The following RNF212 variants were observed in gnomAD, a reference collection of about 807,000 sequenced individuals.
The protein encoded by RNF212 is ring finger protein 212, also known as probable E3 SUMO-protein ligase RNF212.
RNF212 carries 33 observed loss-of-function variants against 34.7 expected under a neutral mutation model. The ratio of observed to expected loss-of-function variants is 0.95; its 90% confidence interval spans 0.72 to 1.27. The LOEUF (loss-of-function observed/expected upper bound fraction) is 1.27. Ranked by LOEUF, RNF212 falls within the 50% of genes most tolerant of loss-of-function variation. The pLI is 0.00. For synonymous variants in RNF212, 140 were observed against 136.1 expected (o/e 1.03, Z -0.20); for missense variants, 377 against 362.2 (o/e 1.04, Z -0.33).
intron 1 of RNF212, among the ~76,000 whole-genome samples, chr4:1,111,107 G>A (rs1286299018): frequency 2.6e-5 from 4 of 152,292 alleles, no homozygotes; most frequent in Admixed American, 1.3e-4. Flanking sequence ...TGGGTCACCA[G>A]TGCCCTCCTC....
intron 3 of RNF212, among the ~76,000 whole-genome samples, chr4:1,059,085 G>A (rs986034443): frequency 1.7e-4 from 26 of 152,356 alleles, no homozygotes; most frequent in African/African-American, 6.3e-4. Flanking sequence ...CAGTGAGGGA[G>A]CCCAAGCATT....
intron 5 of RNF212, 52 bp downstream of exon 5, chr4:1,085,844 A>G: frequency 8.2e-7 from 1 of 1,215,262 alleles, no homozygotes. Flanking sequence ...CGACCAATGC[A>G]CATGGCAGTG....
chr4:1,109,762 C>T (rs976044912), intron 1 of RNF212, among the ~76,000 whole-genome samples: 8 of 152,140 alleles, frequency 5.3e-5, no homozygotes, highest in East Asian at 1.9e-4. Context: ...ACCCACTTCA[C>T]GCTACCTCCT....
chr4:1,098,677 C>A (rs1723439947), intron 2 of RNF212, among the ~76,000 whole-genome samples: 1 of 152,208 alleles, frequency 6.6e-6, no homozygotes, highest in Non-Finnish European at 1.5e-5. Context: ...CCTTGACCTG[C>A]AACCCTGGTT....
intron 5 of RNF212, among the ~76,000 whole-genome samples, chr4:1,083,441 G>A (rs1361466449): frequency 1.3e-5 from 2 of 152,062 alleles, no homozygotes; most frequent in South Asian, 2.1e-4. Context: ...TCAGGAGTTC[G>A]AAACCAGCCT....
At chr4:1,105,753 G>A (rs953910122) in intron 2 of RNF212, among the ~76,000 whole-genome samples, 4 of 146,098 alleles carry the variant, frequency 2.7e-5, no homozygotes, top group Non-Finnish European at 4.6e-5. Context: ...TCCTTCCACC[G>A]CAGGTCAGGG....
At chr4:1,068,883 CA>C (rs1718259213), downstream of RNF212, among the ~76,000 whole-genome samples, 1 of 152,122 alleles carries the variant, frequency 6.6e-6, no homozygotes, top group Non-Finnish European at 1.5e-5. Context: ...AGGATTTTAG[CA>C]GAAAATACAA....
chr4:1,108,221 C>T (rs1725119556), intron 2 of RNF212, 122 bp downstream of exon 2: 1 of 590,464 alleles, frequency 1.7e-6, no homozygotes, highest in Non-Finnish European at 2.9e-6. Flanking sequence ...ACTCAGATAT[C>T]TTTGTTAACG....
intron 3 of RNF212, among the ~76,000 whole-genome samples, chr4:1,091,207 G>A (rs980008223): frequency 3.3e-5 from 5 of 152,320 alleles, no homozygotes; most frequent in East Asian, 1.9e-4. Flanking sequence ...AAAGAGAGCC[G>A]GCACACAGAA....
At chr4:1,099,426 A>C (rs2153058379) in intron 2 of RNF212, among the ~76,000 whole-genome samples, 1 of 152,222 alleles carries the variant, frequency 6.6e-6, no homozygotes, top group South Asian at 2.1e-4. Context: ...GGAAAATCTA[A>C]GTGAGTATTA....
chr4:1,066,812 T>C (rs1718127533), downstream of RNF212, among the ~76,000 whole-genome samples: 1 of 151,980 alleles, frequency 6.6e-6, no homozygotes, highest in Admixed American at 6.5e-5. Flanking sequence ...ATGAGGTCAA[T>C]TTGTTTAATT....
At chr4:1,093,644 C>A in intron 3 of RNF212, 4 of 1,535,898 alleles carry the variant, frequency 2.6e-6, no homozygotes, top group South Asian at 1.2e-5. Flanking sequence ...TGAGACAGCA[C>A]CTGGCCTCTG....
At chr4:1,101,193 G>A in intron 2 of RNF212, 1 of 241,388 alleles carries the variant, frequency 4.1e-6, no homozygotes, top group Non-Finnish European at 8.5e-6. Context: ...CTAACGACTG[G>A]CACTCACAGT....
Position 1,073,284 on chromosome 4 carries a change from G to A in RNF212, c.575-91C>T. On this transcript the variant is annotated intron_variant, in intron 9 of 9. Coordinates refer to ENST00000433731, the MANE Select transcript of RNF212 (RefSeq NM_001131034.4). ...TGAGGGTGAGGGAGGGATTCACTTT[G>A]AAAAGGGACCAGCAATTCAAAGCCA... 1.3e-6 allele frequency: 2 copies of A among 1,501,384 alleles called. 1 individual carries two copies. The highest frequency in any genetic ancestry group is 2.7e-5 in the South Asian group (2 of 74,720). 93.0% of individuals were successfully genotyped at this position (1,501,384 alleles called of 1,614,324 possible).
intron 4 of RNF212, 113 bp downstream of exon 4, chr4:1,090,669 A>G: frequency 1.4e-6 from 1 of 716,688 alleles, no homozygotes; most frequent in Non-Finnish European, 2.5e-6. Flanking sequence ...ACAGAGAAAC[A>G]GATATTGCAT....
Position 1,073,863 on chromosome 4 carries a change from TATTACCTG to T in RNF212, c.511-209_511-202del, listed in dbSNP as rs142496855. ...TGGTGGTAGAGGTGGTGTGGGTGGG[TATTACCTG>T]ATTACCTGTTTGATTCCCTCTGTTC... On this transcript the variant is annotated intron_variant, in intron 8 of 9. Transcript: ENST00000433731. 5.6e-3 allele frequency: 3,319 copies of T among 589,384 alleles called. 71 individuals carry two copies. The highest frequency in any genetic ancestry group is 0.053 in the African/African-American group (2,880 of 53,996). 36.5% of individuals were successfully genotyped at this position (589,384 alleles called of 1,614,324 possible).
Position 1,090,771 on chromosome 4 carries a change from A to T in RNF212, c.303+11T>A. ...AAAAAATTCAAGTGGCAATGAATCA[A>T]TTCCACTTACCTTTTCTCTATAGAA... is the stretch of plus-strand genomic sequence containing the variant. On this transcript the variant is annotated intron_variant, in intron 4 of 9. Transcript: ENST00000433731. The T allele has an allele frequency of 6.7e-7, 1 of 1,497,296 alleles. No homozygotes were observed. Among genetic ancestry groups the T allele is most frequent in the Non-Finnish European group, 9.3e-7 (1 of 1,077,910 alleles). 92.8% of individuals were successfully genotyped at this position (1,497,296 alleles called of 1,614,324 possible). A position where few individuals can be genotyped will look rare whatever the true frequency, so the allele number is the denominator to read the frequency against.
downstream of RNF212, among the ~76,000 whole-genome samples, chr4:1,068,859 T>C (rs1265972281): frequency 6.6e-6 from 1 of 152,240 alleles, no homozygotes; most frequent in African/African-American, 2.4e-5. Flanking sequence ...ATTTTGAACA[T>C]GACCATGTCT....
At chr4:1,058,888 C>A (rs536290754) in intron 3 of RNF212, among the ~76,000 whole-genome samples, 1 of 152,202 alleles carries the variant, frequency 6.6e-6, no homozygotes, top group African/African-American at 2.4e-5. Flanking sequence ...CTTCCTCCCC[C>A]GCCTCTCCCA....
Sources: allele counts gnomAD v4.1 joint callset (sites outside exome capture counted in the v4.1 genomes callset), GRCh38; gene constraint gnomAD v4.1.1; transcripts MANE v1.5; gene names NCBI Gene and HGNC (gene_info 2026-07-23, HGNC 2026-07-21).